TMTC2: variants seen among roughly 807,000 people sequenced by gnomAD.
TMTC2 encodes the protein protein O-mannosyl-transferase TMTC2.
Under a neutral mutation model 82.4 loss-of-function variants are expected in TMTC2, and 43 were observed. That is an observed-to-expected ratio of 0.52 (90% CI 0.41 to 0.67). The LOEUF (loss-of-function observed/expected upper bound fraction) is 0.67, where lower values mean the gene tolerates loss of function less well. Among genes scored for constraint, TMTC2 ranks in the 30% least tolerant of loss-of-function variants. The pLI, the probability that TMTC2 is intolerant of heterozygous loss-of-function variation, is 0.00. For missense variants in TMTC2, 919 were observed against 1,012.4 expected, an observed-to-expected ratio of 0.91 and a Z score of 1.25; for synonymous variants, 408 against 381.9, an observed-to-expected ratio of 1.07 and a Z score of -0.80.
chr12:83,095,047 T>C (rs1254333916), intron 11 of TMTC2, among the ~76,000 whole-genome samples: 2 of 152,148 alleles, frequency 1.3e-5, no homozygotes, highest in East Asian at 3.9e-4. Context: ...TACAAACACT[T>C]AAAAAACATG....
At chr12:82,896,670 G>A in intron 3 of TMTC2, 24 bp downstream of exon 3, 1 of 1,552,864 alleles carries the variant, frequency 6.4e-7, no homozygotes, top group Non-Finnish European at 8.7e-7. Context: ...TTATGCTTTT[G>A]TCTGGATAGT....
chr12:82,935,810 G>A (rs1181946719), intron 4 of TMTC2, among the ~76,000 whole-genome samples: 1 of 152,038 alleles, frequency 6.6e-6, no homozygotes, highest in Non-Finnish European at 1.5e-5. Context: ...GCTACTATAA[G>A]TTAATTGTCA....
chr12:82,861,094 TC>T (rs1480400401), intron 2 of TMTC2, among the ~76,000 whole-genome samples: 4 of 152,304 alleles, frequency 2.6e-5, no homozygotes, highest in Middle Eastern at 3.4e-3. Flanking sequence ...GAGATAAACT[TC>T]CTTGCTCTGT....
At chr12:82,930,285 G>A in intron 3 of TMTC2, 146 bp from the exon 4 acceptor site, 1 of 502,354 alleles carries the variant, frequency 2.0e-6, no homozygotes, top group Non-Finnish European at 3.6e-6. Context: ...CTGATGAAAT[G>A]TTAGAGTATA....
At chr12:82,949,470 T>C (rs1051181838) in intron 4 of TMTC2, among the ~76,000 whole-genome samples, 3 of 152,190 alleles carry the variant, frequency 2.0e-5, no homozygotes, top group Admixed American at 1.3e-4. Context: ...AGGGGAAAAG[T>C]TGCTTTTTTA....
At chr12:83,074,756 G>A (rs546834095) in intron 11 of TMTC2, among the ~76,000 whole-genome samples, 2 of 152,208 alleles carry the variant, frequency 1.3e-5, no homozygotes, top group Admixed American at 6.5e-5. Context: ...GGTGGAGGGC[G>A]TGAGGTCTTG....
chr12:82,735,467 T>C (rs1875047086), intron 1 of TMTC2, among the ~76,000 whole-genome samples: 1 of 151,558 alleles, frequency 6.6e-6, no homozygotes, highest in South Asian at 2.1e-4. Context: ...TGTCTCAGCC[T>C]CCCAAGTAGC....
intron 7 of TMTC2, among the ~76,000 whole-genome samples, chr12:82,980,543 G>A (rs1159519641): frequency 1.3e-5 from 2 of 151,670 alleles, no homozygotes; most frequent in Non-Finnish European, 3.0e-5. Flanking sequence ...AGTGTATTAG[G>A]GGCTGGAAGC....
chr12:83,007,744 A>G (rs1251492710), intron 8 of TMTC2, among the ~76,000 whole-genome samples: 3 of 152,154 alleles, frequency 2.0e-5, no homozygotes, highest in African/African-American at 7.2e-5. Flanking sequence ...TTTAATATAG[A>G]TCCAAGTCTC....
intron 1 of TMTC2, among the ~76,000 whole-genome samples, chr12:82,761,223 C>A (rs1246577928): frequency 6.6e-6 from 1 of 152,182 alleles, no homozygotes; most frequent in African/African-American, 2.4e-5. Flanking sequence ...CATTTTCTCA[C>A]TCTGAAACAA....
At chr12:83,001,627 C>T in intron 8 of TMTC2, among the ~76,000 whole-genome samples, 1 of 136,858 alleles carries the variant, frequency 7.3e-6, no homozygotes, top group African/African-American at 2.9e-5. Context: ...AAGAACAAAA[C>T]TCTGTCTCAA....
At chr12:82,818,510 G>T (rs1341060938) in intron 1 of TMTC2, among the ~76,000 whole-genome samples, 2 of 152,072 alleles carry the variant, frequency 1.3e-5, no homozygotes, top group Non-Finnish European at 2.9e-5. Flanking sequence ...TAATTGCAAG[G>T]TTCTCCAGGT....
At chr12:82,937,782 A>ATGTGTG (rs1565818406) in intron 4 of TMTC2, among the ~76,000 whole-genome samples, 1 of 21,976 alleles carries the variant, frequency 4.6e-5, no homozygotes, top group Admixed American at 5.6e-4. Context: ...ATATATATAT[A>ATGTGTG]TATATATATA....
At chr12:82,912,938 T>TAAA (rs1874771799) in intron 3 of TMTC2, among the ~76,000 whole-genome samples, 1 of 29,476 alleles carries the variant, frequency 3.4e-5, no homozygotes, top group Non-Finnish European at 1.0e-4. Flanking sequence ...AGACCTTGTC[T>TAAA]GAAAAAAAAA....
rs367732378 is a variant in TMTC2 at position 83,106,729 on chromosome 12, C to T, written c.2332-25481C>T. On this transcript the variant is annotated intron_variant, in intron 11 of 11. Coordinates refer to ENST00000321196, the MANE Select transcript of TMTC2 (RefSeq NM_152588.3). ...ATGCACAACAGTGAAAGATAGAAGA[C>T]AATGGAATAGTCACTTTAAGCTGTT... is the stretch of plus-strand genomic sequence containing the variant. 3.3e-5 allele frequency among the ~76,000 whole-genome samples: 5 copies of T among 152,110 alleles called. No homozygotes were observed. In the East Asian group the frequency reaches 7.7e-4, roughly 23 times the overall value.
At chr12:82,773,410 G>GA (rs1877414116) in intron 1 of TMTC2, among the ~76,000 whole-genome samples, 1 of 151,766 alleles carries the variant, frequency 6.6e-6, no homozygotes, top group African/African-American at 2.4e-5. Context: ...GAGGACTAAA[G>GA]AAAATTTGTC....
intron 7 of TMTC2, among the ~76,000 whole-genome samples, chr12:82,978,120 A>G (rs1878762083): frequency 6.6e-6 from 1 of 151,806 alleles, no homozygotes; most frequent in Non-Finnish European, 1.5e-5. Flanking sequence ...TATAATGTTT[A>G]TAATTAGAAA....
At chr12:82,855,535 G>GTTTT (rs1480943359) in intron 1 of TMTC2, among the ~76,000 whole-genome samples, 15 of 152,108 alleles carry the variant, frequency 9.9e-5, no homozygotes, top group African/African-American at 2.9e-4. Context: ...CTAGGCAAGA[G>GTTTT]TTTTATAGTT....
chr12:82,770,198 A>G (rs1339812863), intron 1 of TMTC2, among the ~76,000 whole-genome samples: 1 of 152,104 alleles, frequency 6.6e-6, no homozygotes, highest in Non-Finnish European at 1.5e-5. Context: ...AAGCCTTCTA[A>G]TCTGTGAATT....
Sources: allele counts gnomAD v4.1 joint callset (sites outside exome capture counted in the v4.1 genomes callset), GRCh38; gene constraint gnomAD v4.1.1; transcripts MANE v1.5; gene names NCBI Gene and HGNC (gene_info 2026-07-23, HGNC 2026-07-21).